UBTF: variants seen among roughly 807,000 people sequenced by gnomAD.
UBTF encodes the protein nucleolar transcription factor 1.
A neutral mutation model predicts 112.3 loss-of-function variants in UBTF; 8 were observed. That is an observed-to-expected ratio of 0.07 (90% CI 0.04 to 0.13). The LOEUF (loss-of-function observed/expected upper bound fraction) is 0.13, where lower values mean the gene tolerates loss of function less well. UBTF is among the 10% of genes least tolerant of loss of function. The pLI is 1.00. For missense variants in UBTF, 457 were observed against 982.1 expected (o/e 0.47, Z 7.15); for synonymous variants, 417 against 373.1 (o/e 1.12, Z -1.36).
chr17:44,214,065 GTC>G lies in UBTF; in HGVS notation c.475-785_475-784del, dbSNP rs941989509. Among the ~76,000 whole-genome samples, 55 of 151,826 alleles carry G rather than the reference GTC, an allele frequency of 3.6e-4. 2 individuals are homozygous for G. Among genetic ancestry groups the G allele is most frequent in the African/African-American group, 1.3e-3 (54 of 41,328 alleles). On this transcript the variant is annotated intron_variant, in intron 5 of 20. Coordinates refer to ENST00000436088, the MANE Select transcript of UBTF (RefSeq NM_014233.4). ...CCTTCTTGTTCCTCCTTTCCAATGTGTCTCTTTCTCTTCCTCATCGACCTTCT... is the reference window on the plus strand; with the variant it reads ...CCTTCTTGTTCCTCCTTTCCAATGTGTCTTTCTCTTCCTCATCGACCTTCT...
intron 17 of UBTF, among the ~76,000 whole-genome samples, chr17:44,208,207 G>A (rs1040901431): frequency 1.3e-5 from 2 of 149,328 alleles, no homozygotes; most frequent in African/African-American, 4.9e-5. Context: ...AGGCTCAAGT[G>A]ATCCTTCCAA....
chr17:44,208,825 T>C, intron 17 of UBTF: 1 of 281,952 alleles, frequency 3.5e-6, no homozygotes, highest in Non-Finnish European at 7.1e-6. Context: ...TTTGGATTCT[T>C]CTACTTACTG....
chr17:44,216,163 C>T (rs1050939024), intron 3 of UBTF, 174 bp from the exon 4 acceptor site: 3 of 643,628 alleles, frequency 4.7e-6, no homozygotes, highest in Non-Finnish European at 5.4e-6. Flanking sequence ...GGCACTGGCC[C>T]ATGCCTACCG....
intron 5 of UBTF, 133 bp downstream of exon 5, chr17:44,215,521 G>A: frequency 8.8e-7 from 1 of 1,141,120 alleles, no homozygotes; most frequent in Non-Finnish European, 1.3e-6. Flanking sequence ...GGCTGCCCAG[G>A]ACCTATTCTG....
chr17:44,207,679 A>C lies in UBTF; in HGVS notation c.2025+20T>G. ...AGTGCCCCCCGCCCCACGCCCCTGC[A>C]TCTGGGAGGGGCTCCTTACCGACTT... On this transcript the variant is annotated intron_variant, in intron 19 of 20. Transcript: ENST00000436088. 6.2e-7 allele frequency: 1 copy of C among 1,613,786 alleles called. No individual in the cohort carries two copies. The highest frequency in any genetic ancestry group is 1.1e-5 in the South Asian group (1 of 91,080).
rs751352997 is a variant in UBTF at position 44,210,310 on chromosome 17, C to A, written c.1515+8G>T. ...GGCTGCAGTACTACCCTTTCCCACCCCTGTCACCTTGAAGCGGGCCAGGTA... is the reference window on the plus strand; with the variant it reads ...GGCTGCAGTACTACCCTTTCCCACCACTGTCACCTTGAAGCGGGCCAGGTA... On this transcript the variant is annotated splice_region_variant and intron_variant, in intron 14 of 20. Transcript: ENST00000436088. 1.7e-5 allele frequency: 28 copies of A among 1,614,144 alleles called. No homozygotes were observed. The highest frequency in any genetic ancestry group is 2.3e-5 in the Non-Finnish European group (27 of 1,180,048).
chr17:44,207,787 C>T lies in UBTF; in HGVS notation c.1954-17G>A, dbSNP rs534624276. ...CTTACGTTTCTGCAGGATGGGGACA[C>T]AAAGGTGGCAGCCATGAGTTCGACA... On this transcript the variant is annotated splice_polypyrimidine_tract_variant and intron_variant, in intron 18 of 20. Coordinates refer to ENST00000436088, the MANE Select transcript of UBTF (RefSeq NM_014233.4). 266 of 1,614,172 alleles carry T rather than the reference C, an allele frequency of 1.6e-4. 1 individual carries two copies. The South Asian group carries it at 2.8e-3, about 17-fold the overall frequency.
At position 44,209,452 on chromosome 17, in the gene UBTF, C is replaced by T; in HGVS notation, c.1805G>A (p.Ser602Asn). ...GCTCTGGGAGATGCGCTGCCAGCGA[C>T]TGCCGATCTCCACCATGCGCTCCTT... ...PLKERMVEIGSRWQRISQSQK... is the reference protein window; with the variant it reads ...PLKERMVEIGNRWQRISQSQK... Residue 602 changes from serine to asparagine, a missense_variant, in exon 17 of 21, where the codon AGT becomes AAT. By Grantham distance (46) the Ser-to-Asn change is conservative. Around this residue, in one of 7 missense-constraint regions of UBTF, gnomAD observed 77 missense variants for 211.9 expected, o/e 0.36. Transcript: ENST00000436088. The T allele has an allele frequency of 6.2e-7, 1 of 1,614,176 alleles. No homozygotes were observed. Among genetic ancestry groups the T allele is most frequent in the Non-Finnish European group, 8.5e-7 (1 of 1,180,016 alleles).
At chr17:44,219,695 C>T (rs2047071553), upstream of UBTF, 1 of 152,704 alleles carries the variant, frequency 6.5e-6, no homozygotes, top group African/African-American at 2.4e-5. Flanking sequence ...CGCCCTCCGC[C>T]TGCAGGCAGC....
rs912613326 is a variant in UBTF at position 44,211,007 on chromosome 17, C to T, written c.1203+32G>A. On this transcript the variant is annotated intron_variant, in intron 12 of 20. Coordinates refer to ENST00000436088, the MANE Select transcript of UBTF (RefSeq NM_014233.4). The surrounding 1 kb of genome is among the most constrained non-coding windows in gnomAD (Gnocchi z 4.9). ...CTGCCAGGGAGCCCAGTCTTGCCCA[C>T]CCCCGCCTGCGCGGCCGCACCCTCT... 3 of 1,602,486 alleles carry T rather than the reference C, an allele frequency of 1.9e-6. No individual in the cohort carries two copies. The highest frequency in any genetic ancestry group is 2.7e-5 in the African/African-American group (2 of 74,848).
Position 44,206,960 on chromosome 17 carries a change from A to G in UBTF, c.*282T>C. The G allele has an allele frequency of 1.9e-6, 1 of 516,858 alleles. No homozygotes were observed. Among genetic ancestry groups the G allele is most frequent in the South Asian group, 3.1e-5 (1 of 32,200 alleles). The allele number at this position is 516,858 out of a possible 1,614,324, so 32.0% of individuals were successfully genotyped here. A position where few individuals can be genotyped will look rare whatever the true frequency, so the allele number is the denominator to read the frequency against. On this transcript the variant is annotated 3_prime_UTR_variant, in exon 21 of 21. Coordinates refer to ENST00000436088, the MANE Select transcript of UBTF (RefSeq NM_014233.4). ...GTCCATGCCGGAACCGCAAGTGCAG[A>G]AGTGGGTGGGGTGGGCCAGGCTGGT...
At position 44,211,059 on chromosome 17, in the gene UBTF, G is replaced by T; in HGVS notation, c.1183C>A (p.Pro395Thr). 1 of 1,612,352 alleles carries T rather than the reference G, an allele frequency of 6.2e-7. No individual in the cohort carries two copies. ...KQATSPASKK[P>T]AQEGGKGGSE... ...CCCACCTTGCCCCCTTCCTGGGCTG[G>T]CTTCTTGGAGGCGGGGCTGGTGGCC... Residue 395 changes from proline (P) to threonine (T), a missense_variant, in exon 12 of 21, where the codon CCA becomes ACA. Physicochemically the swap from Pro to Thr is conservative, Grantham distance 38. Coordinates refer to ENST00000436088, the MANE Select transcript of UBTF (RefSeq NM_014233.4). The surrounding 1 kb of genome is among the most constrained non-coding windows in gnomAD (Gnocchi z 4.9).
chr17:44,209,182 A>T lies in UBTF; in HGVS notation c.1905+170T>A, dbSNP rs559141042. 3,095 of 683,326 alleles carry T rather than the reference A, an allele frequency of 4.5e-3. 59 individuals carry two copies. Among genetic ancestry groups the T allele is most frequent in the African/African-American group, 0.045 (2,428 of 53,772 alleles). 42.3% of individuals were successfully genotyped at this position (683,326 alleles called of 1,614,324 possible). ...AGACTGTCTCAAAAAATAAAAAAAAAAATAAAAATAAAAGGGTGATAGTGA... is the reference window on the plus strand; with the variant it reads ...AGACTGTCTCAAAAAATAAAAAAAATAATAAAAATAAAAGGGTGATAGTGA... On this transcript the variant is annotated intron_variant, in intron 17 of 20. Transcript: ENST00000436088.
chr17:44,211,492 C>G lies in UBTF; in HGVS notation c.1047+114G>C. ...TTGCTAAGCCCAGCCCAGCCCCACA[C>G]TGTATTGGAGGCAGGTACCCAAGGC... is the stretch of plus-strand genomic sequence containing the variant. On this transcript the variant is annotated intron_variant, in intron 10 of 20. Transcript: ENST00000436088. This position sits in a 1 kb window ranked among gnomAD's most constrained non-coding sequence, Gnocchi z 4.9. 1 of 1,555,590 alleles carries G rather than the reference C, an allele frequency of 6.4e-7. No individual in the cohort carries two copies. The highest frequency in any genetic ancestry group is 1.2e-5 in the South Asian group (1 of 85,366).
Position 44,209,408 on chromosome 17 carries a change from T to C in UBTF, c.1849A>G (p.Lys617Glu). 6.2e-7 allele frequency: 1 copy of C among 1,614,074 alleles called. No homozygotes were observed. Among genetic ancestry groups the C allele is most frequent in the Middle Eastern group, 1.6e-4 (1 of 6,062 alleles). ...TGCTTTTGCTGCTCCTCGGCCAGCT[T>C]TTTGTAGTGCTCCTTCTGGCTCTGG... ...ISQSQKEHYK[K>E]LAEEQQKQYK... Residue 617 changes from lysine to glutamate, a missense_variant, in exon 17 of 21, where the codon AAG (lysine) becomes GAG (glutamate). Physicochemically the swap from Lys to Glu is moderately conservative, Grantham distance 56. Coordinates refer to ENST00000436088, the MANE Select transcript of UBTF (RefSeq NM_014233.4).
chr17:44,215,353 C>T, intron 5 of UBTF: 5 of 370,454 alleles, frequency 1.3e-5, no homozygotes, highest in Non-Finnish European at 2.5e-5. Flanking sequence ...CGGAGCCTAA[C>T]AGTGAGGATG....
chr17:44,212,312 C>T, intron 8 of UBTF, 32 bp downstream of exon 8: 1 of 1,581,080 alleles, frequency 6.3e-7, no homozygotes, highest in Non-Finnish European at 8.7e-7. Context: ...TCGTGAAGAG[C>T]CGGACGGGGA....
At position 44,216,331 on chromosome 17, in the gene UBTF, A is replaced by G; in HGVS notation, c.234+198T>C. The G allele has an allele frequency of 4.5e-6, 3 of 661,280 alleles. No homozygotes were observed. The South Asian group carries it at 5.5e-5, about 12-fold the overall frequency. The allele number at this position is 661,280 out of a possible 1,614,324, so 41.0% of individuals were successfully genotyped here. A position where few individuals can be genotyped will look rare whatever the true frequency, so the allele number is the denominator to read the frequency against. On this transcript the variant is annotated intron_variant, in intron 3 of 20. Transcript: ENST00000436088. The stretch of plus-strand genomic sequence containing the variant: ...GGCTGTTTGGCTCAAGACCACTCAG[A>G]TAGAAAGTGGCATAACTTTAAGCCA...
chr17:44,208,343 ATCCT>A (rs2056412321), intron 17 of UBTF, among the ~76,000 whole-genome samples: 1 of 152,010 alleles, frequency 6.6e-6, no homozygotes, highest in African/African-American at 2.4e-5. Context: ...GCCTCAAGTG[ATCCT>A]TCATACCTTG....
Sources: gnomAD v4.1 joint callset for allele counts (sites outside exome capture counted in the v4.1 genomes callset) on GRCh38, gnomAD v4.1.1 for gene constraint, gnomAD v4.1.1 regional missense constraint, Gnocchi (gnomAD v3.1) non-coding constraint, MANE v1.5 for transcripts, NCBI Gene and HGNC (gene_info 2026-07-23, HGNC 2026-07-21) for gene names.